SCN1A: variants seen among roughly 807,000 people sequenced by gnomAD.
SCN1A encodes the protein sodium voltage-gated channel alpha subunit 1.
In SCN1A, 13 loss-of-function variants were observed where a neutral mutation model predicts 193.7. The ratio of observed to expected loss-of-function variants is 0.07; its 90% confidence interval spans 0.04 to 0.11. The LOEUF (loss-of-function observed/expected upper bound fraction) is 0.11. Ranked by LOEUF, SCN1A falls within the 10% of genes least tolerant of loss-of-function variation. The pLI, the probability that SCN1A is intolerant of heterozygous loss-of-function variation, is 1.00. For synonymous variants in SCN1A, 781 were observed against 843.6 expected, an observed-to-expected ratio of 0.93 and a Z score of 1.29; for missense variants, 1,432 against 2,451.1, an observed-to-expected ratio of 0.58 and a Z score of 8.78.
In SCN1A at chr2:166,046,948, A is replaced by G. The variant is rs794726725; in HGVS notation, c.1199T>C (p.Met400Thr). 1 of 1,613,878 alleles carries G rather than the reference A, an allele frequency of 6.2e-7. No homozygotes were observed. Among genetic ancestry groups the G allele is most frequent in the Non-Finnish European group, 8.5e-7 (1 of 1,179,800 alleles). ...GAAAATGACCAATACAAAAAATATCATGTACGTTTTCCCAGCAGCACGTAA... is the reference window on the plus strand; with the variant it reads ...GAAAATGACCAATACAAAAAATATCGTGTACGTTTTCCCAGCAGCACGTAA... ...LTLRAAGKTY[M>T]IFFVLVIFLG... Residue 400 changes from methionine to threonine, a missense_variant, in exon 12 of 29, where the codon ATG becomes ACG. Coordinates refer to ENST00000674923, the MANE Select transcript of SCN1A (RefSeq NM_001165963.4).
intron 19 of SCN1A, among the ~76,000 whole-genome samples, chr2:166,029,772 G>A (rs1324926637): frequency 6.6e-6 from 1 of 152,114 alleles, no homozygotes; most frequent in Non-Finnish European, 1.5e-5. Context: ...ATAAGCTAAT[G>A]ATACATCATA....
chr2:166,053,147 G>T lies in SCN1A; in HGVS notation c.603-204C>A, dbSNP rs1484224621. ...GTTACAAACCTGTAGAATTAAATCA[G>T]AATTATTCAAGATTTTAGCAGGATT... On this transcript the variant is annotated intron_variant, in intron 7 of 28. Coordinates refer to ENST00000674923, the MANE Select transcript of SCN1A (RefSeq NM_001165963.4). 2.9e-6 allele frequency: 3 copies of T among 1,030,230 alleles called. No individual in the cohort carries two copies. The Admixed American group carries it at 5.3e-5, about 18-fold the overall frequency. 63.8% of individuals were successfully genotyped at this position (1,030,230 alleles called of 1,614,324 possible). A position where few individuals can be genotyped will look rare whatever the true frequency, so the allele number is the denominator to read the frequency against.
chr2:166,132,742 C>G (rs569909), upstream of SCN1A, among the ~76,000 whole-genome samples: 130,352 of 152,048 alleles, frequency 0.86, 56,032 homozygotes, highest in East Asian at 0.98. Context: ...TTTTGAAACT[C>G]TGGTAAAGTC....
Position 166,028,970 on chromosome 2 carries a change from T to A in SCN1A, c.3429+7078A>T, listed in dbSNP as rs143785310. Among the ~76,000 whole-genome samples the A allele has an allele frequency of 1.0e-3, 153 of 152,074 alleles. 1 individual carries two copies. The highest frequency in any genetic ancestry group is 3.2e-3 in the African/African-American group (131 of 41,480). ...AGTGACATTTGGGACAAGAAGGATGTGGTGGGTGAGGATGAGTCAGGTGAA... is the reference window on the plus strand; with the variant it reads ...AGTGACATTTGGGACAAGAAGGATGAGGTGGGTGAGGATGAGTCAGGTGAA... On this transcript the variant is annotated intron_variant, in intron 19 of 28. Transcript: ENST00000674923.
intron 2 of SCN1A, among the ~76,000 whole-genome samples, chr2:166,093,627 G>A (rs1687066109): frequency 6.6e-6 from 1 of 152,158 alleles, no homozygotes; most frequent in African/African-American, 2.4e-5. Flanking sequence ...ACAGGCGTGA[G>A]CCACCATGCA....
rs1300231223 is a variant in SCN1A, at chr2:166,001,327, T to C, written c.4284+1145A>G. 9.2e-5 allele frequency among the ~76,000 whole-genome samples: 14 copies of C among 151,900 alleles called. No homozygotes were observed. In the East Asian group the frequency reaches 2.5e-3, roughly 28 times the overall value. ...TTAAAAAATCTCTATTTTAATTGCA[T>C]GAATATTATTCAGAGTAGATCAAAA... On this transcript the variant is annotated intron_variant, in intron 24 of 28. Coordinates refer to ENST00000674923, the MANE Select transcript of SCN1A (RefSeq NM_001165963.4).
At chr2:166,023,021 C>G (rs973083390) in intron 19 of SCN1A, among the ~76,000 whole-genome samples, 1 of 151,918 alleles carries the variant, frequency 6.6e-6, no homozygotes, top group Non-Finnish European at 1.5e-5. Flanking sequence ...TAAAAAAAAA[C>G]AAACTAGGAT....
At position 166,002,544 on chromosome 2, in the gene SCN1A, C is replaced by T; in HGVS notation, c.4212G>A (p.Glu1404=). ...CTTTCACATTTTTCCATCGAGCAGTCTCATTTCTTTCTATTAGTTTTAGGC... is the reference window on the plus strand; with the variant it reads ...CTTTCACATTTTTCCATCGAGCAGTTTCATTTCTTTCTATTAGTTTTAGGC... The part of the protein sequence containing the change: ...TDCLKLIERN[E]TARWKNVKVN... Residue 1404 remains glutamate (E), a synonymous_variant, in exon 24 of 29, where the codon GAG becomes GAA. Transcript: ENST00000674923. 6.2e-7 allele frequency: 1 copy of T among 1,611,668 alleles called. No homozygotes were observed. Among genetic ancestry groups the T allele is most frequent in the Non-Finnish European group, 8.5e-7 (1 of 1,178,604 alleles).
chr2:166,108,248 T>C (rs78451551), intron 2 of SCN1A, among the ~76,000 whole-genome samples: 3,334 of 151,660 alleles, frequency 0.022, 282 homozygotes, highest in Admixed American at 0.16. Context: ...AAAAACCCAA[T>C]GAGACATCAC....
chr2:166,009,677 T>C (rs747196608), intron 23 of SCN1A, 42 bp downstream of exon 23: 1 of 1,545,656 alleles, frequency 6.5e-7, no homozygotes, highest in Admixed American at 2.0e-5. Flanking sequence ...TTAGTTTAAT[T>C]TTGGCTATAT....
chr2:166,035,179 C>T lies in SCN1A; in HGVS notation c.3429+869G>A, dbSNP rs184934423. Reference sequence around the variant, plus strand: ...AAACAAGGGCTCTAAGTTCAACTCTCGGCACTCCCCTCACTAGCTATGTGA... The same window carrying T: ...AAACAAGGGCTCTAAGTTCAACTCTTGGCACTCCCCTCACTAGCTATGTGA... On this transcript the variant is annotated intron_variant, in intron 19 of 28. Coordinates refer to ENST00000674923, the MANE Select transcript of SCN1A (RefSeq NM_001165963.4). 2.7e-4 allele frequency among the ~76,000 whole-genome samples: 41 copies of T among 152,282 alleles called. No individual in the cohort carries two copies. In the East Asian group the frequency reaches 4.6e-3, roughly 17 times the overall value.
At chr2:166,056,765 C>A (rs1328560509) in intron 5 of SCN1A, among the ~76,000 whole-genome samples, 2 of 151,968 alleles carry the variant, frequency 1.3e-5, no homozygotes, top group African/African-American at 4.8e-5. Flanking sequence ...GTTTTTACAA[C>A]TATTATTAAA....
intron 2 of SCN1A, chr2:166,092,710 G>A (rs1180714261): frequency 6.6e-6 from 1 of 152,102 alleles, no homozygotes; most frequent in Non-Finnish European, 1.5e-5. Flanking sequence ...TCTCAACCAG[G>A]TAAGTTTTGT....
intron 19 of SCN1A, among the ~76,000 whole-genome samples, chr2:166,027,823 C>T (rs996002180): frequency 1.3e-5 from 2 of 151,874 alleles, no homozygotes; most frequent in African/African-American, 4.8e-5. Flanking sequence ...GTAAATATTT[C>T]TATTGTACAC....
At chr2:166,075,562 T>A (rs1684911001) in intron 3 of SCN1A, among the ~76,000 whole-genome samples, 1 of 152,048 alleles carries the variant, frequency 6.6e-6, no homozygotes, top group African/African-American at 2.4e-5. Context: ...CATAATTTAT[T>A]TAACCAATTC....
intron 19 of SCN1A, among the ~76,000 whole-genome samples, chr2:166,029,242 C>T (rs1439235873): frequency 3.9e-5 from 6 of 152,098 alleles, no homozygotes; most frequent in South Asian, 4.2e-4. Flanking sequence ...GAGGACAGAA[C>T]GGTTACGGGA....
intron 19 of SCN1A, among the ~76,000 whole-genome samples, chr2:166,033,763 TAA>T (rs1559187099): frequency 6.6e-6 from 1 of 151,996 alleles, no homozygotes; most frequent in African/African-American, 2.4e-5. Context: ...AAAAAAACAA[TAA>T]GAGTAAGAAT....
At chr2:166,063,468 A>G (rs1683528785) in intron 4 of SCN1A, among the ~76,000 whole-genome samples, 1 of 152,118 alleles carries the variant, frequency 6.6e-6, no homozygotes, top group Non-Finnish European at 1.5e-5. Context: ...GCAATTCAGA[A>G]TACATGTATT....
intron 2 of SCN1A, among the ~76,000 whole-genome samples, chr2:166,089,897 G>GTAGTGC (rs1216263568): frequency 1.2e-3 from 178 of 152,204 alleles, no homozygotes; most frequent in African/African-American, 4.2e-3. Flanking sequence ...ATTGATGTAA[G>GTAGTGC]ATTATCCTCA....
Sources: gnomAD v4.1 joint callset for allele counts (sites outside exome capture counted in the v4.1 genomes callset) on GRCh38, gnomAD v4.1.1 for gene constraint, MANE v1.5 for transcripts, NCBI Gene and HGNC (gene_info 2026-07-23, HGNC 2026-07-21) for gene names.